AKNA: variants seen among roughly 807,000 people sequenced by gnomAD.
The protein encoded by AKNA is AT-hook transcription factor, also known as microtubule organization protein AKNA.
A neutral mutation model predicts 138.8 loss-of-function variants in AKNA; 67 were observed. That is an observed-to-expected ratio of 0.48 (90% CI 0.40 to 0.59). The LOEUF (loss-of-function observed/expected upper bound fraction) is 0.59. Ranked by LOEUF, AKNA falls within the 20% of genes least tolerant of loss-of-function variation. AKNA has a pLI of 0.00. For synonymous variants in AKNA, 737 were observed against 754.4 expected, an observed-to-expected ratio of 0.98 and a Z score of 0.38; for missense variants, 1,813 against 1,880.4, an observed-to-expected ratio of 0.96 and a Z score of 0.66.
chr9:114,337,278 C>A lies in AKNA; in HGVS notation c.4096G>T (p.Ala1366Ser). The A allele has an allele frequency of 6.5e-7, 1 of 1,534,958 alleles. No homozygotes were observed. Among genetic ancestry groups the A allele is most frequent in the South Asian group, 1.2e-5 (1 of 81,602 alleles). ...GGCGGCCACTTGGCAGCTGGTTGGG[C>A]TGAGGTAGGTCCTGCAGGCGCATAG... The part of the protein sequence containing the change: ...VYYAPAGPTS[A>S]QPAAKWPPTA... Residue 1366 changes from alanine to serine, a missense_variant, in exon 22 of 22, where the codon GCC (alanine) becomes TCC (serine). Transcript: ENST00000374088.
chr9:114,356,739 A>G, intron 13 of AKNA, 124 bp downstream of exon 13: 1 of 832,418 alleles, frequency 1.2e-6, no homozygotes, highest in South Asian at 2.0e-5. Context: ...CGGTTAGGGG[A>G]TGAAATGAGG....
At chr9:114,339,400 C>T (rs903876434) in intron 21 of AKNA, among the ~76,000 whole-genome samples, 2 of 152,236 alleles carry the variant, frequency 1.3e-5, no homozygotes, top group East Asian at 1.9e-4. Context: ...CAAATTCTAG[C>T]AGCATTAGAA....
downstream of AKNA, chr9:114,330,597 GC>G: frequency 6.2e-7 from 1 of 1,611,436 alleles, no homozygotes; most frequent in Non-Finnish European, 8.5e-7. Flanking sequence ...CCATTCCAAT[GC>G]ACCCCCATCT....
chr9:114,388,176 A>C (rs1564103003), upstream of AKNA: 1 of 217,326 alleles, frequency 4.6e-6, no homozygotes, highest in East Asian at 1.2e-4. Context: ...CTCCGCAGTC[A>C]GCGCTGCCCA....
At chr9:114,365,333 A>G (rs1160835901) in intron 6 of AKNA, among the ~76,000 whole-genome samples, 6 of 152,214 alleles carry the variant, frequency 3.9e-5, no homozygotes, top group Non-Finnish European at 7.3e-5. Flanking sequence ...ACAGTAGCTT[A>G]TGCAGCCATT....
At chr9:114,372,000 T>A (rs951824304) in intron 4 of AKNA, among the ~76,000 whole-genome samples, 1 of 152,016 alleles carries the variant, frequency 6.6e-6, no homozygotes, top group African/African-American at 2.4e-5. Flanking sequence ...CCAGAGTGAA[T>A]CCCCTCCCTG....
chr9:114,349,025 G>A (rs1263831440), intron 15 of AKNA: 1 of 451,860 alleles, frequency 2.2e-6, no homozygotes, highest in African/African-American at 2.0e-5. Context: ...TCTGAGGGCA[G>A]TGGGTTCCCT....
intron 1 of AKNA, among the ~76,000 whole-genome samples, chr9:114,383,899 C>T (rs991433243): frequency 5.3e-5 from 8 of 152,168 alleles, no homozygotes; most frequent in Non-Finnish European, 8.8e-5. Context: ...GGCTTCTATC[C>T]TCTGTCCCCG....
intron 21 of AKNA, among the ~76,000 whole-genome samples, chr9:114,341,093 T>C (rs1830311109): frequency 1.3e-5 from 2 of 152,124 alleles, no homozygotes; most frequent in Non-Finnish European, 2.9e-5. Flanking sequence ...GTGAGGAGGA[T>C]TGTGGGAATC....
chr9:114,396,538 G>T (rs1783794340), upstream of AKNA, among the ~76,000 whole-genome samples: 1 of 152,080 alleles, frequency 6.6e-6, no homozygotes, highest in African/African-American at 2.4e-5. Context: ...AATTAGCCAG[G>T]TGTAGTGGCA....
chr9:114,380,991 A>T, intron 2 of AKNA, 69 bp downstream of exon 2: 2 of 1,397,612 alleles, frequency 1.4e-6, no homozygotes, highest in Non-Finnish European at 1.8e-6. Flanking sequence ...CAAAAAAAAA[A>T]AAAAAAAAAA....
rs774233395 is a variant in AKNA, at chr9:114,341,723, C to A, written c.3877G>T (p.Ala1293Ser). 4 of 1,564,662 alleles carry A rather than the reference C, an allele frequency of 2.6e-6. No individual in the cohort carries two copies. The South Asian group carries it at 4.8e-5, about 19-fold the overall frequency. ...ADGPGSATSG[A>S]EKATTRRKAS... is the part of the protein sequence containing the mutation. ...TTTCTCCTCGTGGTGGCCTTCTCTGCCCCTATCAGGGAGGGAACAGCACAG... is the reference window on the plus strand; with the variant it reads ...TTTCTCCTCGTGGTGGCCTTCTCTGACCCTATCAGGGAGGGAACAGCACAG... The change falls in exon 21 of 22, where the codon GCA becomes TCA. Residue 1293 changes from alanine (A) to serine (S), a missense_variant and splice_region_variant. Ala to Ser is a moderately conservative substitution (Grantham distance 99). Transcript: ENST00000374088.
Position 114,343,800 on chromosome 9 carries a change from T to C in AKNA, c.3665A>G (p.His1222Arg), listed in dbSNP as rs1588946276. The C allele has an allele frequency of 1.2e-6, 2 of 1,605,428 alleles. No homozygotes were observed. The highest frequency in any genetic ancestry group is 8.5e-7 in the Non-Finnish European group (1 of 1,173,014). The change falls in exon 19 of 22, where the codon CAC becomes CGC. Residue 1222 changes from histidine (H) to arginine (R), a missense_variant. His to Arg is a conservative substitution (Grantham distance 29, BLOSUM62 0). Transcript: ENST00000374088. ...CTTAGGGGACAGAACATGGTATTCG[T>C]GGCCTGGGGAAAGAAACCAGAACTG... The part of the protein sequence containing the change: ...RVTFRGQYTG[H>R]EYHVLSPKAV...
At position 114,359,716 on chromosome 9, in the gene AKNA, C is replaced by G. The variant is rs1588977899; in HGVS notation, c.2370G>C (p.Glu790Asp). ...CAACTTCCAGGGAGTCACCTCCCCCCTCTTCCTCCTCCTCCTCCTCTCCTT... is the reference window on the plus strand; with the variant it reads ...CAACTTCCAGGGAGTCACCTCCCCCGTCTTCCTCCTCCTCCTCCTCTCCTT... Reference protein sequence around the residue: ...EEEGEEEEEEEGGGDSLEVDG... With the variant: ...EEEGEEEEEEDGGGDSLEVDG... The change falls in exon 11 of 22, where the codon GAG becomes GAC. Residue 790 changes from glutamate (E) to aspartate (D), a missense_variant. Transcript: ENST00000374088. The G allele has an allele frequency of 3.7e-6, 6 of 1,610,016 alleles. 1 individual carries two copies. The African/African-American group carries it at 6.7e-5, about 18-fold the overall frequency.
chr9:114,343,858 G>C (rs1250016919), intron 18 of AKNA, 55 bp from the exon 19 acceptor site: 7 of 1,452,364 alleles, frequency 4.8e-6, no homozygotes, highest in Non-Finnish European at 6.6e-6. Flanking sequence ...ATGCAAAATA[G>C]AGGAAGATTC....
At chr9:114,385,127 T>A (rs1018623864) in intron 1 of AKNA, among the ~76,000 whole-genome samples, 18 of 152,200 alleles carry the variant, frequency 1.2e-4, no homozygotes, top group Admixed American at 7.9e-4. Context: ...GTGCTGGGAT[T>A]ACAAGCATGA....
intron 4 of AKNA, among the ~76,000 whole-genome samples, chr9:114,370,597 G>T (rs916837236): frequency 1.3e-5 from 2 of 152,170 alleles, no homozygotes; most frequent in African/African-American, 4.8e-5. Flanking sequence ...GGTCTCTCTG[G>T]ACACAGCCAG....
At chr9:114,375,921 G>C (rs753531905) in intron 3 of AKNA, 6 of 452,964 alleles carry the variant, frequency 1.3e-5, no homozygotes, top group South Asian at 9.3e-5. Context: ...CCACCAGCAG[G>C]GAGTTCCTGG....
At position 114,365,559 on chromosome 9, in the gene AKNA, T is replaced by C. The variant is rs10982183; in HGVS notation, c.1729-940A>G. 2.4e-3 allele frequency among the ~76,000 whole-genome samples: 367 copies of C among 152,102 alleles called. 7 individuals are homozygous for C. In the East Asian group the frequency reaches 0.035, roughly 14 times the overall value. ...GTGTGAAATATAGAAATGTATATTATATAATCATATTACATAATTTTATAA... is the reference window on the plus strand; with the variant it reads ...GTGTGAAATATAGAAATGTATATTACATAATCATATTACATAATTTTATAA... On this transcript the variant is annotated intron_variant, in intron 6 of 21. Transcript: ENST00000374088.
Sources: allele counts gnomAD v4.1 joint callset (sites outside exome capture counted in the v4.1 genomes callset), GRCh38; gene constraint gnomAD v4.1.1; transcripts MANE v1.5; gene names NCBI Gene and HGNC (gene_info 2026-07-23, HGNC 2026-07-21).